Variants in ILDR1 observed in about 807,000 individuals in gnomAD.
ILDR1 encodes the protein immunoglobulin-like domain-containing receptor 1.
A neutral mutation model predicts 62.4 loss-of-function variants in ILDR1; 56 were observed. The observed-to-expected ratio is 0.90, with a 90% confidence interval of 0.72 to 1.12. The LOEUF (loss-of-function observed/expected upper bound fraction) is 1.12, where lower values mean the gene tolerates loss of function less well. Ranked by LOEUF, ILDR1 falls within the 50% of genes most tolerant of loss-of-function variation. ILDR1 has a pLI of 0.00. For synonymous variants in ILDR1, 284 were observed against 277.8 expected, an observed-to-expected ratio of 1.02 and a Z score of -0.22; for missense variants, 736 against 710.6, an observed-to-expected ratio of 1.04 and a Z score of -0.41.
chr3:122,042,853 C>A, the ILDR1 span, among the ~76,000 whole-genome samples: 1 of 152,032 alleles, frequency 6.6e-6, no homozygotes, highest in Admixed American at 6.5e-5. Flanking sequence ...AATTTTTTCC[C>A]ATTTTGTAGG....
In ILDR1 at chr3:121,987,426, TCAATCAATACA is replaced by T. The variant is rs2071267188; in HGVS notation, c.*930_*940del. The T allele has an allele frequency of 6.6e-6, 1 of 152,044 alleles. No homozygotes were observed. The highest frequency in any genetic ancestry group is 1.5e-5 in the Non-Finnish European group (1 of 68,018). The allele number at this position is 152,044 out of a possible 1,614,324, so 9.4% of individuals were successfully genotyped here. A position where few individuals can be genotyped will look rare whatever the true frequency, so the allele number is the denominator to read the frequency against. On this transcript the variant is annotated 3_prime_UTR_variant, in exon 8 of 8. Coordinates refer to ENST00000344209, the MANE Select transcript of ILDR1 (RefSeq NM_001199799.2). ...TTCCCAAGAAGGATTTAAAGTGACT[TCAATCAATACA>T]CAATATATATGAAAATATAAATTAG...
At chr3:121,989,689 A>G (rs2071310244) in intron 7 of ILDR1, among the ~76,000 whole-genome samples, 1 of 152,136 alleles carries the variant, frequency 6.6e-6, no homozygotes, top group Non-Finnish European at 1.5e-5. Flanking sequence ...TGGAGTGAAA[A>G]CGCCACCAGA....
chr3:122,035,671 C>A, the ILDR1 span, among the ~76,000 whole-genome samples: 1 of 152,278 alleles, frequency 6.6e-6, no homozygotes, highest in Non-Finnish European at 1.5e-5. Flanking sequence ...GCTTGCTTCC[C>A]CTTTGCCTTC....
At chr3:122,008,555 G>C (rs892997944) in intron 1 of ILDR1, among the ~76,000 whole-genome samples, 6 of 151,342 alleles carry the variant, frequency 4.0e-5, no homozygotes, top group African/African-American at 1.5e-4. Flanking sequence ...CCAGAGACAC[G>C]CATTTTTTAT....
the ILDR1 span, among the ~76,000 whole-genome samples, chr3:122,054,317 G>T: frequency 6.6e-6 from 1 of 151,500 alleles, no homozygotes; most frequent in East Asian, 1.9e-4. Flanking sequence ...CCATTTTAAG[G>T]CTATTTTAAT....
At chr3:122,051,382 A>G in the ILDR1 span, among the ~76,000 whole-genome samples, 1 of 151,856 alleles carries the variant, frequency 6.6e-6, no homozygotes, top group Non-Finnish European at 1.5e-5. Context: ...TGAATTGCTG[A>G]TTATTTCTTC....
the ILDR1 span, among the ~76,000 whole-genome samples, chr3:122,047,875 T>C: frequency 3.3e-5 from 5 of 152,254 alleles, no homozygotes; most frequent in Admixed American, 1.3e-4. Flanking sequence ...ACCCGTCTTC[T>C]GCGTCGCTCA....
chr3:122,009,600 T>C (rs890660988), intron 1 of ILDR1, among the ~76,000 whole-genome samples: 6 of 152,216 alleles, frequency 3.9e-5, no homozygotes, highest in East Asian at 1.9e-4. Flanking sequence ...TTCCTTTTTT[T>C]CCCCTTATTA....
chr3:122,004,316 G>C (rs2071571517), intron 3 of ILDR1, among the ~76,000 whole-genome samples: 1 of 152,204 alleles, frequency 6.6e-6, no homozygotes, highest in Non-Finnish European at 1.5e-5. Context: ...GAGGAGCTAA[G>C]CTAAGCCATT....
At chr3:122,026,030 A>G (rs116393877), upstream of ILDR1, among the ~76,000 whole-genome samples, 56 of 152,302 alleles carry the variant, frequency 3.7e-4, no homozygotes, top group African/African-American at 1.3e-3. Flanking sequence ...GCCTATACAA[A>G]AATCACAGCA....
the ILDR1 span, among the ~76,000 whole-genome samples, chr3:122,029,511 A>ATATATATATATATATATATAT: frequency 3.7e-4 from 52 of 139,466 alleles, no homozygotes; most frequent in African/African-American, 1.4e-3. Context: ...GTCTAAAAAA[A>ATATATATATATATATATATAT]ATATATATAT....
intron 6 of ILDR1, 47 bp downstream of exon 6, chr3:121,994,135 C>T (rs1461588663): frequency 7.8e-6 from 12 of 1,532,094 alleles, no homozygotes; most frequent in Non-Finnish European, 9.6e-6. Flanking sequence ...CATGTTCCCG[C>T]CCTTGCCCTC....
At chr3:122,001,161 G>A (rs2071518561) in intron 5 of ILDR1, 147 bp downstream of exon 5, 11 of 940,750 alleles carry the variant, frequency 1.2e-5, no homozygotes, top group Non-Finnish European at 1.7e-5. Flanking sequence ...CATTTTCAGG[G>A]CTGAGGCTAA....
chr3:122,031,410 T>C, the ILDR1 span, among the ~76,000 whole-genome samples: 1 of 152,192 alleles, frequency 6.6e-6, no homozygotes, highest in Non-Finnish European at 1.5e-5. Context: ...TTTGTGGGAA[T>C]AGACTGATGC....
At chr3:122,032,779 G>A in the ILDR1 span, among the ~76,000 whole-genome samples, 1 of 152,228 alleles carries the variant, frequency 6.6e-6, no homozygotes. Context: ...TGGTGAGAAA[G>A]GATGGCTCAC....
chr3:121,994,316 G>T lies in ILDR1; in HGVS notation c.647-3C>A, dbSNP rs2071406755. On this transcript the variant is annotated splice_polypyrimidine_tract_variant and splice_region_variant and intron_variant, in intron 5 of 7. Transcript: ENST00000344209. ...CATGTAGCGGTGGCGGGCCAGGGCT[G>T]CAGGGAAAGAAGGAGAAATGCAGGC... 1.3e-6 allele frequency: 2 copies of T among 1,531,242 alleles called. No individual in the cohort carries two copies. Among genetic ancestry groups the T allele is most frequent in the African/African-American group, 1.4e-5 (1 of 73,046 alleles). The allele number at this position is 1,531,242 out of a possible 1,614,324, so 94.9% of individuals were successfully genotyped here.
At position 121,993,448 on chromosome 3, in the gene ILDR1, G is replaced by A. The variant is rs760257421; in HGVS notation, c.1301C>T (p.Pro434Leu). Residue 434 changes from proline (P) to leucine (L), a missense_variant, in exon 7 of 8, where the codon CCG becomes CTG. Pro to Leu is a moderately conservative substitution (Grantham distance 98). Transcript: ENST00000344209. ...VPSSSEARWR[P>L]SHPPFRSRCQ... ...GCGGCTCCTGAAAGGAGGGTGGCTC[G>A]GCCGCCAGCGTGCCTCACTGGATGA... is the stretch of plus-strand genomic sequence containing the variant. 6.6e-5 allele frequency: 106 copies of A among 1,613,858 alleles called. No individual in the cohort carries two copies. Among genetic ancestry groups the A allele is most frequent in the Admixed American group, 5.5e-4 (33 of 60,000 alleles).
At chr3:122,018,005 C>T (rs1233181073) in intron 1 of ILDR1, among the ~76,000 whole-genome samples, 1 of 152,182 alleles carries the variant, frequency 6.6e-6, no homozygotes, top group East Asian at 1.9e-4. Context: ...GGATCTAGAA[C>T]TAGAAATACC....
rs2071381732 is a variant in ILDR1 at position 121,993,339 on chromosome 3, A to G, written c.1410T>C (p.Pro470=). 2 of 1,610,570 alleles carry G rather than the reference A, an allele frequency of 1.2e-6. No individual in the cohort carries two copies. The highest frequency in any genetic ancestry group is 2.7e-5 in the African/African-American group (2 of 74,982). The change falls in exon 7 of 8, where the codon CCT becomes CCC. Residue 470 remains proline, a synonymous_variant. Transcript: ENST00000344209. ...AGGAACTGAGGCCGGAGGGCAAGGG[A>G]GGAGAGTAGCTGCGGTGCCTGCGTC... ...GRRRRHRSYS[P]PLPSGLSSWS... is the part of the protein sequence containing the mutation.
Sources: gnomAD v4.1 joint callset for allele counts (sites outside exome capture counted in the v4.1 genomes callset) on GRCh38, gnomAD v4.1.1 for gene constraint, MANE v1.5 for transcripts, NCBI Gene and HGNC (gene_info 2026-07-23, HGNC 2026-07-21) for gene names.